Variants in STRN3 observed in about 807,000 individuals in gnomAD.
The protein encoded by STRN3 is striatin 3.
STRN3 carries 29 observed loss-of-function variants against 95.6 expected under a neutral mutation model. The observed-to-expected ratio is 0.30, with a 90% CI of 0.23 to 0.41. The LOEUF (loss-of-function observed/expected upper bound fraction) is 0.41, where lower values mean the gene tolerates loss of function less well. Ranked by LOEUF, STRN3 falls within the 10% of genes least tolerant of loss-of-function variation. The pLI is 1.00. For missense variants in STRN3, 890 were observed against 972.1 expected, an observed-to-expected ratio of 0.92 and a Z score of 1.12; for synonymous variants, 331 against 357.6, an observed-to-expected ratio of 0.93 and a Z score of 0.84.
chr14:30,924,287 C>CTTTTTGT (rs1896960411), intron 8 of STRN3, among the ~76,000 whole-genome samples: 1 of 77,228 alleles, frequency 1.3e-5, no homozygotes, highest in Non-Finnish European at 2.2e-5. Flanking sequence ...TGCCTTAAAT[C>CTTTTTGT]TTTTTTTTTT....
intron 1 of STRN3, among the ~76,000 whole-genome samples, chr14:30,997,291 A>G (rs949479436): frequency 1.3e-5 from 2 of 152,180 alleles, no homozygotes; most frequent in African/African-American, 2.4e-5. Context: ...GGGACAGCCA[A>G]TTCTTAGAGA....
intron 1 of STRN3, among the ~76,000 whole-genome samples, chr14:30,968,928 T>C (rs1594515091): frequency 2.0e-5 from 3 of 152,304 alleles, no homozygotes; most frequent in East Asian, 1.9e-4. Context: ...TCTGAATTTT[T>C]ACCTACATTA....
Position 30,975,577 on chromosome 14 carries a change from C to T in STRN3, c.283-19335G>A, listed in dbSNP as rs537015020. Reference sequence around the variant, plus strand: ...AAAAAAGAAGAAGAAAGAAAGAGAACGAAAGAAAGAAAGAAAAGAAAAGAA... The same window carrying T: ...AAAAAAGAAGAAGAAAGAAAGAGAATGAAAGAAAGAAAGAAAAGAAAAGAA... On this transcript the variant is annotated intron_variant, in intron 1 of 17. Transcript: ENST00000357479. 6.5e-5 allele frequency among the ~76,000 whole-genome samples: 9 copies of T among 137,882 alleles called. No individual in the cohort carries two copies. In the East Asian group the frequency reaches 1.2e-3, roughly 19 times the overall value. 90.5% of individuals were successfully genotyped at this position (137,882 alleles called of 152,430 possible).
rs1879867428 is a variant in STRN3, at chr14:30,955,700, A to T, written c.387-7T>A. Reference sequence around the variant, plus strand: ...TAATTTGTGATATTTTGCCCTGAAAATTTAATCACAAATTAGTAAAATCAC... The same window carrying T: ...TAATTTGTGATATTTTGCCCTGAAATTTTAATCACAAATTAGTAAAATCAC... On this transcript the variant is annotated splice_polypyrimidine_tract_variant and splice_region_variant and intron_variant, in intron 2 of 17. Transcript: ENST00000357479. The T allele has an allele frequency of 6.3e-7, 1 of 1,576,488 alleles. No homozygotes were observed. Among genetic ancestry groups the T allele is most frequent in the Admixed American group, 2.0e-5 (1 of 49,688 alleles).
rs2138919990 is a variant in STRN3, at chr14:30,894,932, A to T, written c.*479T>A. 1 of 1,106,836 alleles carries T rather than the reference A, an allele frequency of 9.0e-7. No homozygotes were observed. The highest frequency in any genetic ancestry group is 1.1e-6 in the Non-Finnish European group (1 of 872,298). The allele number at this position is 1,106,836 out of a possible 1,614,324, so 68.6% of individuals were successfully genotyped here. On this transcript the variant is annotated 3_prime_UTR_variant, in exon 18 of 18. Coordinates refer to ENST00000357479, the MANE Select transcript of STRN3 (RefSeq NM_001083893.2). Reference sequence around the variant, plus strand: ...TTAAAGCAAAATAAGTTTAAAAGGGAATCTGTGGCATTCAACCGATAAACA... The same window carrying T: ...TTAAAGCAAAATAAGTTTAAAAGGGTATCTGTGGCATTCAACCGATAAACA...
intron 7 of STRN3, among the ~76,000 whole-genome samples, chr14:30,929,979 A>AAAAAAAAAAAT (rs1566441550): frequency 6.8e-6 from 1 of 147,388 alleles, no homozygotes; most frequent in Non-Finnish European, 1.5e-5. Context: ...AAAAAAAAAA[A>AAAAAAAAAAAT]CTCAAATTCC....
rs1328866588 is a variant in STRN3 at position 30,954,701 on chromosome 14, C to G, written c.460+919G>C. On this transcript the variant is annotated intron_variant, in intron 3 of 17. Coordinates refer to ENST00000357479, the MANE Select transcript of STRN3 (RefSeq NM_001083893.2). ...CAGATAAAAACAGATTGTCTTGCCA[C>G]AATTTCAGTTGTGAGCAAAAAAGAC... 2.6e-5 allele frequency among the ~76,000 whole-genome samples: 4 copies of G among 152,142 alleles called. No individual in the cohort carries two copies. In the East Asian group the frequency reaches 7.7e-4, roughly 29 times the overall value.
rs141859408 is a variant in STRN3, at chr14:30,942,250, A to G, written c.716+4840T>C. ...TTGTTCTTTTGTGTTAATGCATCTTAAGCCCTTCACTGTCCTTTAGCAAAA... is the reference window on the plus strand; with the variant it reads ...TTGTTCTTTTGTGTTAATGCATCTTGAGCCCTTCACTGTCCTTTAGCAAAA... On this transcript the variant is annotated intron_variant, in intron 5 of 17. Coordinates refer to ENST00000357479, the MANE Select transcript of STRN3 (RefSeq NM_001083893.2). Among the ~76,000 whole-genome samples the G allele has an allele frequency of 7.9e-5, 12 of 152,158 alleles. No homozygotes were observed. In the East Asian group the frequency reaches 2.3e-3, roughly 29 times the overall value.
intron 4 of STRN3, among the ~76,000 whole-genome samples, chr14:30,949,849 G>A (rs775004863): frequency 6.6e-6 from 1 of 152,162 alleles, no homozygotes; most frequent in Non-Finnish European, 1.5e-5. Context: ...GAAGCAGGGG[G>A]TGGCCAAGGG....
chr14:30,943,977 C>G (rs1879217436), intron 5 of STRN3, among the ~76,000 whole-genome samples: 1 of 152,008 alleles, frequency 6.6e-6, no homozygotes, highest in Non-Finnish European at 1.5e-5. Flanking sequence ...GTTAACAATA[C>G]TGCACACTTT....
At chr14:31,021,092 G>A (rs898606734) in intron 1 of STRN3, among the ~76,000 whole-genome samples, 1 of 152,302 alleles carries the variant, frequency 6.6e-6, no homozygotes, top group South Asian at 2.1e-4. Flanking sequence ...TAGTACTAGC[G>A]ATGGGGAGGA....
At chr14:31,002,181 A>G (rs1361689350) in intron 1 of STRN3, among the ~76,000 whole-genome samples, 1 of 120,650 alleles carries the variant, frequency 8.3e-6, no homozygotes, top group African/African-American at 3.3e-5. Context: ...AAAAAAAAAA[A>G]AAAAAAACAA....
At chr14:31,014,689 G>A (rs1440383341) in intron 1 of STRN3, 1 of 456,992 alleles carries the variant, frequency 2.2e-6, no homozygotes, top group Non-Finnish European at 4.5e-6. Flanking sequence ...AATACCTTGT[G>A]TTTACCTTGG....
intron 1 of STRN3, among the ~76,000 whole-genome samples, chr14:30,996,676 G>A (rs1338323978): frequency 1.3e-5 from 2 of 152,058 alleles, no homozygotes; most frequent in Non-Finnish European, 2.9e-5. Context: ...GACCATCCTG[G>A]CCAACATGGT....
intron 5 of STRN3, among the ~76,000 whole-genome samples, chr14:30,940,586 T>C (rs898634964): frequency 1.3e-5 from 2 of 152,216 alleles, no homozygotes; most frequent in Admixed American, 6.5e-5. Flanking sequence ...GATTTTAGAA[T>C]TTCCTCTTAA....
intron 1 of STRN3, among the ~76,000 whole-genome samples, chr14:30,976,052 G>A (rs1304509086): frequency 6.6e-6 from 1 of 151,902 alleles, no homozygotes; most frequent in Non-Finnish European, 1.5e-5. Context: ...TACCAACATG[G>A]TACTAACCCA....
intron 9 of STRN3, among the ~76,000 whole-genome samples, chr14:30,916,413 T>C (rs1223269253): frequency 6.6e-6 from 1 of 151,796 alleles, no homozygotes; most frequent in African/African-American, 2.4e-5. Flanking sequence ...TAGCTGGGAC[T>C]ACAGGCGCCC....
chr14:30,951,154 T>C (rs568280012), intron 3 of STRN3, among the ~76,000 whole-genome samples: 1 of 152,264 alleles, frequency 6.6e-6, no homozygotes, highest in South Asian at 2.1e-4. Context: ...ATGTCCCCCA[T>C]TTTAAAACAG....
intron 1 of STRN3, among the ~76,000 whole-genome samples, chr14:31,003,834 G>A (rs756370066): frequency 6.0e-5 from 8 of 134,316 alleles, no homozygotes; most frequent in East Asian, 2.2e-4. Flanking sequence ...AGCAAAGCGA[G>A]ATTTCTTGTA....
Sources: gnomAD v4.1 joint callset for allele counts (sites outside exome capture counted in the v4.1 genomes callset) on GRCh38, gnomAD v4.1.1 for gene constraint, MANE v1.5 for transcripts, NCBI Gene and HGNC (gene_info 2026-07-23, HGNC 2026-07-21) for gene names.